Variants in PRKN observed in about 807,000 individuals in gnomAD.
The protein encoded by PRKN is parkin RBR E3 ubiquitin protein ligase.
PRKN carries 56 observed loss-of-function variants against 59.5 expected under a neutral mutation model. That is an observed-to-expected ratio of 0.94 (90% confidence interval 0.76 to 1.18). The LOEUF (loss-of-function observed/expected upper bound fraction) is 1.18, where lower values mean the gene tolerates loss of function less well. Ranked by LOEUF, PRKN falls within the 50% of genes most tolerant of loss-of-function variation. The probability of loss-of-function intolerance (pLI) is 0.00; values close to 1 mark genes in which losing one functional copy is unlikely to be tolerated. For synonymous variants in PRKN, 250 were observed against 222.1 expected (o/e 1.13, Z -1.12); for missense variants, 657 against 596.4 (o/e 1.10, Z -1.06).
Position 161,430,235 on chromosome 6 carries a change from C to T in PRKN, c.1084-43358G>A, listed in dbSNP as rs367888550. 9.8e-4 allele frequency among the ~76,000 whole-genome samples: 149 copies of T among 152,254 alleles called. No homozygotes were observed. The South Asian group carries it at 0.014, about 15-fold the overall frequency. ...CTATCTTCCAAGGCTGTTCACTGTA[C>T]GATTATTATTGTAACTATGTTATGA... is the stretch of plus-strand genomic sequence containing the variant. On this transcript the variant is annotated intron_variant, in intron 9 of 11. Coordinates refer to ENST00000366898, the MANE Select transcript of PRKN (RefSeq NM_004562.3).
rs758769558 is a variant in PRKN, at chr6:162,262,774, G to C, written c.172-9C>G. 1.0e-5 allele frequency: 16 copies of C among 1,581,124 alleles called. No homozygotes were observed. In the South Asian group the frequency reaches 1.4e-4, roughly 13 times the overall value. On this transcript the variant is annotated splice_polypyrimidine_tract_variant and intron_variant, in intron 2 of 11. Transcript: ENST00000366898. ...TGATCCAGGTCACAATTCTGTTTGG[G>C]AGCAAGGTAAAAAAAAAAAAAAAAA... is the stretch of plus-strand genomic sequence containing the variant.
intron 1 of PRKN, among the ~76,000 whole-genome samples, chr6:162,580,556 A>G (rs13196631): frequency 0.11 from 15,236 of 144,290 alleles, 918 homozygotes; most frequent in Middle Eastern, 0.19. Flanking sequence ...GAGGATAACA[A>G]TGGCAAACAG....
At position 162,191,859 on chromosome 6, in the gene PRKN, T is replaced by C. The variant is rs533046295; in HGVS notation, c.534+9272A>G. Among the ~76,000 whole-genome samples the C allele has an allele frequency of 2.1e-3, 326 of 152,270 alleles. 5 individuals carry two copies. The highest frequency in any genetic ancestry group is 7.6e-3 in the African/African-American group (315 of 41,550). ...CTATGCCATGAAGGACAGTGGCTAGTAAAGCTAGAAACAGCCCCGTCAGTG... is the reference window on the plus strand; with the variant it reads ...CTATGCCATGAAGGACAGTGGCTAGCAAAGCTAGAAACAGCCCCGTCAGTG... On this transcript the variant is annotated intron_variant, in intron 4 of 11. Coordinates refer to ENST00000366898, the MANE Select transcript of PRKN (RefSeq NM_004562.3).
intron 10 of PRKN, among the ~76,000 whole-genome samples, chr6:161,374,175 G>C (rs1248460578): frequency 6.6e-6 from 1 of 152,042 alleles, no homozygotes. Context: ...GTGTGTATGT[G>C]AGTGGCGAGT....
chr6:161,725,524 T>C (rs527748569), intron 7 of PRKN, among the ~76,000 whole-genome samples: 1 of 152,306 alleles, frequency 6.6e-6, no homozygotes, highest in South Asian at 2.1e-4. Flanking sequence ...AGCCTGAATC[T>C]TTTAAGGTAC....
At chr6:161,793,254 C>T (rs891677438) in intron 6 of PRKN, among the ~76,000 whole-genome samples, 5 of 152,162 alleles carry the variant, frequency 3.3e-5, no homozygotes, top group African/African-American at 7.2e-5. Context: ...TGTCCATTGG[C>T]CTGCTTAGAA....
chr6:162,025,583 C>CTGTTTTTTTT (rs1783401205), intron 5 of PRKN, among the ~76,000 whole-genome samples: 1 of 59,006 alleles, frequency 1.7e-5, no homozygotes, highest in African/African-American at 7.3e-5. Flanking sequence ...ATCCATGGTG[C>CTGTTTTTTTT]TTTTTTTTTT....
Position 161,531,267 on chromosome 6 carries a change from G to C in PRKN, c.1083+17587C>G, listed in dbSNP as rs906134224. ...ATGGTGGCGGGCGCCTGTAGTCCCA[G>C]CTACTCGGGAGGCTGAGGGAGGAGA... On this transcript the variant is annotated intron_variant, in intron 9 of 11. Transcript: ENST00000366898. Among the ~76,000 whole-genome samples the C allele has an allele frequency of 5.9e-5, 9 of 151,926 alleles. 1 individual carries two copies. The highest frequency in any genetic ancestry group is 4.6e-4 in the Admixed American group (7 of 15,278).
intron 6 of PRKN, among the ~76,000 whole-genome samples, chr6:161,812,545 C>T (rs1046156138): frequency 6.6e-6 from 1 of 152,084 alleles, no homozygotes; most frequent in Non-Finnish European, 1.5e-5. Flanking sequence ...AACAACCAAG[C>T]AACCAACAAC....
chr6:162,527,776 T>C (rs1352655276), intron 1 of PRKN, among the ~76,000 whole-genome samples: 2 of 152,140 alleles, frequency 1.3e-5, no homozygotes, highest in African/African-American at 4.8e-5. Context: ...TCATCAGCAC[T>C]TTCTTCCCAT....
chr6:162,669,789 G>C (rs1232382724), intron 1 of PRKN, among the ~76,000 whole-genome samples: 5 of 152,134 alleles, frequency 3.3e-5, no homozygotes, highest in Non-Finnish European at 7.3e-5. Flanking sequence ...CCAAGGACTG[G>C]AATTCCATAA....
chr6:161,523,895 A>G (rs1279639656), intron 9 of PRKN, among the ~76,000 whole-genome samples: 2 of 152,190 alleles, frequency 1.3e-5, no homozygotes, highest in Non-Finnish European at 2.9e-5. Flanking sequence ...AAGCATGGAT[A>G]GCACCTGTGA....
At chr6:162,612,325 C>CT (rs1782221816) in intron 1 of PRKN, among the ~76,000 whole-genome samples, 1 of 151,882 alleles carries the variant, frequency 6.6e-6, no homozygotes, top group Admixed American at 6.6e-5. Context: ...AAAAGACCAT[C>CT]TAGTCAGGGC....
rs1226919116 is a variant in PRKN, at chr6:161,950,979, C to G, written c.734+22323G>C. Among the ~76,000 whole-genome samples, 2 of 98,916 alleles carry G rather than the reference C, an allele frequency of 2.0e-5. 1 individual carries two copies. The highest frequency in any genetic ancestry group is 4.0e-5 in the Non-Finnish European group (2 of 50,320). The allele number at this position is 98,916 out of a possible 152,430, so 64.9% of individuals were successfully genotyped here. On this transcript the variant is annotated intron_variant, in intron 6 of 11. Transcript: ENST00000366898. ...GCCATGTCCCTAGAGCAAAACGTGT[C>G]TTTTTAGAAAGAAAGAAAATCATCA...
chr6:161,875,085 G>GATATATTATATATAAAGTAT (rs1207508222), intron 6 of PRKN, among the ~76,000 whole-genome samples: 2 of 84,820 alleles, frequency 2.4e-5, no homozygotes, highest in African/African-American at 1.3e-4. Flanking sequence ...AAGTATATAT[G>GATATATTATATATAAAGTAT]ATATATTATA....
At chr6:162,184,860 TTAAAG>T (rs1443132489) in intron 4 of PRKN, among the ~76,000 whole-genome samples, 2 of 152,136 alleles carry the variant, frequency 1.3e-5, no homozygotes, top group African/African-American at 4.8e-5. Context: ...TTTGAGAAAC[TTAAAG>T]TAAACCAATT....
intron 7 of PRKN, among the ~76,000 whole-genome samples, chr6:161,661,879 C>T (rs369934641): frequency 3.7e-4 from 56 of 151,988 alleles, no homozygotes; most frequent in South Asian, 6.3e-4. Flanking sequence ...AAAAATTAGC[C>T]GGGTGTGGTG....
intron 4 of PRKN, among the ~76,000 whole-genome samples, chr6:162,083,699 T>G (rs1396465451): frequency 1.0e-5 from 1 of 95,410 alleles, no homozygotes; most frequent in Non-Finnish European, 2.0e-5. Flanking sequence ...TTAAAAATAG[T>G]CACAATCCAC....
At chr6:162,555,236 A>G (rs1386154825) in intron 1 of PRKN, among the ~76,000 whole-genome samples, 1 of 152,230 alleles carries the variant, frequency 6.6e-6, no homozygotes, top group African/African-American at 2.4e-5. Flanking sequence ...AATATAATAG[A>G]TGTTAACAAT....
Sources: gnomAD v4.1 joint callset for allele counts (sites outside exome capture counted in the v4.1 genomes callset) on GRCh38, gnomAD v4.1.1 for gene constraint, MANE v1.5 for transcripts, NCBI Gene and HGNC (gene_info 2026-07-23, HGNC 2026-07-21) for gene names.